The following PTPRG variants were observed in gnomAD, a reference collection of about 807,000 sequenced individuals.
PTPRG encodes protein tyrosine phosphatase receptor type G.
Under a neutral mutation model 165.3 loss-of-function variants are expected in PTPRG, and 102 were observed. That is an observed-to-expected ratio of 0.62 (90% CI 0.53 to 0.73). PTPRG has a LOEUF of 0.73. Ranked by LOEUF, PTPRG falls within the 30% of genes least tolerant of loss-of-function variation. PTPRG has a pLI of 0.00. For synonymous variants in PTPRG, 675 were observed against 669.5 expected (o/e 1.01, Z -0.13); for missense variants, 1,866 against 1,861.4 (o/e 1.00, Z -0.05).
chr3:62,009,448 T>C (rs2041368659), intron 4 of PTPRG, among the ~76,000 whole-genome samples: 1 of 152,214 alleles, frequency 6.6e-6, no homozygotes, highest in Non-Finnish European at 1.5e-5. Flanking sequence ...TGCAATTGTC[T>C]TCAATATCCA....
intron 5 of PTPRG, among the ~76,000 whole-genome samples, chr3:62,120,367 G>A (rs1276892894): frequency 6.6e-6 from 1 of 152,252 alleles, no homozygotes; most frequent in Non-Finnish European, 1.5e-5. Context: ...GAAAGGAAGT[G>A]AATGGGTTAG....
chr3:61,829,055 T>C (rs1158696820), intron 2 of PTPRG, among the ~76,000 whole-genome samples: 1 of 152,198 alleles, frequency 6.6e-6, no homozygotes, highest in Non-Finnish European at 1.5e-5. Context: ...TGTGTGTGCA[T>C]GAGCTTGCCT....
intron 2 of PTPRG, among the ~76,000 whole-genome samples, chr3:61,862,649 C>A (rs2037302739): frequency 6.6e-6 from 1 of 152,168 alleles, no homozygotes; most frequent in Non-Finnish European, 1.5e-5. Context: ...CCCGCCCAGG[C>A]CTCACAAAGT....
At chr3:62,006,738 T>C (rs766171628) in intron 4 of PTPRG, among the ~76,000 whole-genome samples, 3 of 152,158 alleles carry the variant, frequency 2.0e-5, no homozygotes, top group South Asian at 2.1e-4. Context: ...TTTCTTGTTA[T>C]TGCCATTGTT....
intron 4 of PTPRG, among the ~76,000 whole-genome samples, chr3:62,067,000 T>C (rs1222878383): frequency 7.2e-6 from 1 of 138,212 alleles, no homozygotes; most frequent in Non-Finnish European, 1.5e-5. Flanking sequence ...ATCACGCCAC[T>C]GCACTCCAGC....
intron 5 of PTPRG, among the ~76,000 whole-genome samples, chr3:62,103,696 CTG>C (rs1702372031): frequency 6.6e-6 from 1 of 152,204 alleles, no homozygotes; most frequent in African/African-American, 2.4e-5. Flanking sequence ...GGCAGAGTAT[CTG>C]TGTCTGCATT....
intron 26 of PTPRG, among the ~76,000 whole-genome samples, chr3:62,280,688 A>C (rs918195041): frequency 2.0e-5 from 3 of 151,894 alleles, no homozygotes; most frequent in Non-Finnish European, 4.4e-5. Flanking sequence ...CTACCATAAG[A>C]CCCAGCAGTC....
Position 62,214,588 on chromosome 3 carries a change from C to T in PTPRG, c.2156-4263C>T, listed in dbSNP as rs571633223. Among the ~76,000 whole-genome samples, 2 of 152,264 alleles carry T rather than the reference C, an allele frequency of 1.3e-5. No individual in the cohort carries two copies. The highest frequency in any genetic ancestry group is 4.8e-5 in the African/African-American group (2 of 41,552). On this transcript the variant is annotated intron_variant, in intron 12 of 29. Transcript: ENST00000474889. The surrounding 1 kb of genome is among the most constrained non-coding windows in gnomAD (Gnocchi z 5.2). ...ATACACAGACGGAAATCAGCCCTGCCTTTGGGGACCTAGAGTAACAAAAGA... is the reference window on the plus strand; with the variant it reads ...ATACACAGACGGAAATCAGCCCTGCTTTTGGGGACCTAGAGTAACAAAAGA...
chr3:61,690,826 A>G (rs150157114), intron 1 of PTPRG, among the ~76,000 whole-genome samples: 64 of 151,548 alleles, frequency 4.2e-4, no homozygotes, highest in African/African-American at 1.2e-3. Flanking sequence ...TTTTTTTTTC[A>G]AGGAAATTAA....
chr3:62,051,576 C>A (rs1191423207), intron 4 of PTPRG, among the ~76,000 whole-genome samples: 1 of 152,132 alleles, frequency 6.6e-6, no homozygotes, highest in Non-Finnish European at 1.5e-5. Context: ...CCCTTGAGAC[C>A]TATTCAAATT....
At position 61,561,954 on chromosome 3, in the gene PTPRG, TC is replaced by T. The variant is rs1460686976; in HGVS notation, c.-331del. ...GGCTGCTCGCCGCCGCCGCCCGCGGTCCCTGCCTGCCCCAGGCCCGGGGCAT... is the reference window on the plus strand; with the variant it reads ...GGCTGCTCGCCGCCGCCGCCCGCGGTCCTGCCTGCCCCAGGCCCGGGGCAT... On this transcript the variant is annotated 5_prime_UTR_variant, in exon 1 of 30. The change abolishes the stop of an existing upstream ORF in the 5' untranslated region. Coordinates refer to ENST00000474889, the MANE Select transcript of PTPRG (RefSeq NM_002841.4). 5.4e-6 allele frequency: 1 copy of T among 184,138 alleles called. No homozygotes were observed. Among genetic ancestry groups the T allele is most frequent in the Non-Finnish European group, 1.1e-5 (1 of 89,738 alleles). 11.4% of individuals were successfully genotyped at this position (184,138 alleles called of 1,614,324 possible). A position where few individuals can be genotyped will look rare whatever the true frequency, so the allele number is the denominator to read the frequency against.
intron 14 of PTPRG, among the ~76,000 whole-genome samples, chr3:62,234,370 A>G (rs1287530885): frequency 6.6e-6 from 1 of 152,204 alleles, no homozygotes; most frequent in African/African-American, 2.4e-5. Context: ...TGGCTGTATC[A>G]CAAGGTACAT....
chr3:61,796,737 T>C (rs984660709), intron 2 of PTPRG, among the ~76,000 whole-genome samples: 2 of 152,106 alleles, frequency 1.3e-5, no homozygotes, highest in African/African-American at 4.8e-5. Flanking sequence ...TCTACAGAGG[T>C]CGTTTGCCCC....
chr3:62,115,417 G>C (rs1179061581), intron 5 of PTPRG, among the ~76,000 whole-genome samples: 1 of 152,138 alleles, frequency 6.6e-6, no homozygotes, highest in African/African-American at 2.4e-5. Context: ...TTCAAGGGTT[G>C]AGGAGTATAA....
intron 1 of PTPRG, among the ~76,000 whole-genome samples, chr3:61,652,385 G>A (rs1702377790): frequency 6.6e-6 from 1 of 152,172 alleles, no homozygotes; most frequent in Non-Finnish European, 1.5e-5. Flanking sequence ...GAGTGTGTTA[G>A]CCATTGACAG....
intron 2 of PTPRG, chr3:61,771,423 A>G (rs1172185498): frequency 6.6e-6 from 1 of 151,926 alleles, no homozygotes; most frequent in African/African-American, 2.4e-5. Context: ...AAGGCATACT[A>G]ATTTTATATT....
intron 2 of PTPRG, among the ~76,000 whole-genome samples, chr3:61,914,719 C>T (rs563602732): frequency 1.3e-5 from 2 of 152,124 alleles, no homozygotes; most frequent in South Asian, 4.1e-4. Flanking sequence ...TGACCCATAT[C>T]GAGGTATAAT....
chr3:62,048,218 A>G (rs1366816457), intron 4 of PTPRG, among the ~76,000 whole-genome samples: 1 of 152,178 alleles, frequency 6.6e-6, no homozygotes, highest in South Asian at 2.1e-4. Context: ...GAGGTAATGA[A>G]TGTTGCTCTT....
At chr3:61,576,667 T>C (rs1308440401) in intron 1 of PTPRG, among the ~76,000 whole-genome samples, 1 of 152,180 alleles carries the variant, frequency 6.6e-6, no homozygotes, top group East Asian at 1.9e-4. Flanking sequence ...CCTTCGAAAA[T>C]AGCATGAGAA....
Sources: gnomAD v4.1 joint callset for allele counts (sites outside exome capture counted in the v4.1 genomes callset) on GRCh38, gnomAD v4.1.1 for gene constraint, Gnocchi (gnomAD v3.1) non-coding constraint, MANE v1.5 for transcripts, NCBI Gene and HGNC (gene_info 2026-07-23, HGNC 2026-07-21) for gene names.